The following LTBP3 variants were observed in gnomAD, a reference collection of about 807,000 sequenced individuals.
The protein encoded by LTBP3 is latent-transforming growth factor beta-binding protein 3.
LTBP3 carries 97 observed loss-of-function variants against 159.7 expected under a neutral mutation model. The observed-to-expected ratio is 0.61, with a 90% confidence interval of 0.52 to 0.72. The LOEUF (loss-of-function observed/expected upper bound fraction) is 0.72, where lower values mean the gene tolerates loss of function less well. Among genes scored for constraint, LTBP3 ranks in the 30% least tolerant of loss-of-function variants. The pLI is 0.00. For synonymous variants in LTBP3, 824 were observed against 777.1 expected (o/e 1.06, Z -1.00); for missense variants, 1,584 against 1,864.3 (o/e 0.85, Z 2.77).
intron 8 of LTBP3, 97 bp downstream of exon 8, chr11:65,551,875 G>A: frequency 7.3e-7 from 1 of 1,367,974 alleles, no homozygotes; most frequent in South Asian, 1.2e-5. Flanking sequence ...TAAGGAATTG[G>A]GGGTTAGACT....
intron 11 of LTBP3, 72 bp from the exon 12 acceptor site, chr11:65,548,117 CA>C (rs1440066793): frequency 1.9e-6 from 3 of 1,606,414 alleles, no homozygotes; most frequent in Non-Finnish European, 2.6e-6. Context: ...GGGCAGACCT[CA>C]ACACCCCAGT....
Position 65,541,085 on chromosome 11 carries a change from A to T in LTBP3, c.2893+41T>A, listed in dbSNP as rs748384969. Reference sequence around the variant, plus strand: ...TTTCCCACATTTGGCTTCCAGATGAAGAAACTGAAGATCTGGGAAGGGGCC... The same window carrying T: ...TTTCCCACATTTGGCTTCCAGATGATGAAACTGAAGATCTGGGAAGGGGCC... On this transcript the variant is annotated intron_variant, in intron 20 of 27. Transcript: ENST00000301873. 3.6e-5 allele frequency: 58 copies of T among 1,599,274 alleles called. No homozygotes were observed. In the Admixed American group the frequency reaches 7.8e-4, roughly 21 times the overall value.
At position 65,552,420 on chromosome 11, in the gene LTBP3, T is replaced by C; in HGVS notation, c.1187-14A>G. The C allele has an allele frequency of 1.2e-6, 2 of 1,611,416 alleles. No homozygotes were observed. The highest frequency in any genetic ancestry group is 2.2e-5 in the South Asian group (2 of 91,066). On this transcript the variant is annotated splice_polypyrimidine_tract_variant and intron_variant, in intron 6 of 27. Coordinates refer to ENST00000301873, the MANE Select transcript of LTBP3 (RefSeq NM_001130144.3). The surrounding 1 kb of genome is among the most constrained non-coding windows in gnomAD (Gnocchi z 6.0). ...CCGGTTTGTCTGCTGCAGGGGCCAG[T>C]GGGGGGCATGGGCATCTGAGCCTGC...
In LTBP3 at chr11:65,543,465, G is replaced by GA; in HGVS notation, c.2437dup (p.Ser813PhefsTer16). On this transcript the variant is annotated frameshift_variant, in exon 17 of 28. Transcript: ENST00000301873. LOFTEE classifies it high-confidence loss of function. ...CCGGTCCCTGGACAGATGGTAGCCA[G>GA]AGAGGCACTGACACTGGAAAGATCC... is the stretch of plus-strand genomic sequence containing the variant. 1 of 1,614,144 alleles carries GA rather than the reference G, an allele frequency of 6.2e-7. No homozygotes were observed. Among genetic ancestry groups the GA allele is most frequent in the Non-Finnish European group, 8.5e-7 (1 of 1,179,992 alleles).
chr11:65,544,550 G>A (rs1856286147), intron 16 of LTBP3: 1 of 152,496 alleles, frequency 6.6e-6, no homozygotes, highest in Admixed American at 6.5e-5. Flanking sequence ...ACAGGCTTCA[G>A]CCTCAGTCCA....
rs1169557307 is a variant in LTBP3 at position 65,546,847 on chromosome 11, G to A, written c.2181C>T (p.Cys727=). ...KCENKPGSFK[C]IACQPGYRSQ... is the part of the protein sequence containing the mutation. Reference sequence around the variant, plus strand: ...TGCGGTAGCCAGGCTGACAGGCGATGCACTTGAAGCTCCCGGGCTTGTTCT... The same window carrying A: ...TGCGGTAGCCAGGCTGACAGGCGATACACTTGAAGCTCCCGGGCTTGTTCT... Residue 727 remains cysteine, a synonymous_variant, in exon 15 of 28, where the codon TGC becomes TGT. Coordinates refer to ENST00000301873, the MANE Select transcript of LTBP3 (RefSeq NM_001130144.3). The surrounding 1 kb of genome is among the most constrained non-coding windows in gnomAD (Gnocchi z 4.0). 2 of 1,611,216 alleles carry A rather than the reference G, an allele frequency of 1.2e-6. No individual in the cohort carries two copies. The highest frequency in any genetic ancestry group is 2.2e-5 in the South Asian group (2 of 91,092).
At chr11:65,545,998 T>A (rs1164713738) in intron 16 of LTBP3, among the ~76,000 whole-genome samples, 1 of 152,192 alleles carries the variant, frequency 6.6e-6, no homozygotes, top group Admixed American at 6.5e-5. Context: ...TTCTTTAAGA[T>A]GACCCAGGCC....
chr11:65,546,257 C>T lies in LTBP3; in HGVS notation c.2353+185G>A, dbSNP rs994022484. On this transcript the variant is annotated intron_variant, in intron 16 of 27. Coordinates refer to ENST00000301873, the MANE Select transcript of LTBP3 (RefSeq NM_001130144.3). The surrounding 1 kb of genome is among the most constrained non-coding windows in gnomAD (Gnocchi z 4.0). ...CGCAGCTTCGAGCTCTACCCCGAGA[C>T]CCTTCCTACGTGGAAATTCTAGTGG... 7 of 723,474 alleles carry T rather than the reference C, an allele frequency of 9.7e-6. No homozygotes were observed. Among genetic ancestry groups the T allele is most frequent in the Non-Finnish European group, 1.5e-5 (7 of 460,102 alleles). 44.8% of individuals were successfully genotyped at this position (723,474 alleles called of 1,614,324 possible). A position where few individuals can be genotyped will look rare whatever the true frequency, so the allele number is the denominator to read the frequency against.
rs1157928757 is a variant in LTBP3 at position 65,539,811 on chromosome 11, C to T, written c.3456G>A (p.Leu1152=). The T allele has an allele frequency of 1.3e-6, 2 of 1,534,920 alleles. No homozygotes were observed. Among genetic ancestry groups the T allele is most frequent in the Non-Finnish European group, 1.7e-6 (2 of 1,147,638 alleles). Residue 1152 remains leucine (L), a synonymous_variant, in exon 25 of 28, where the codon CTG becomes CTA. Transcript: ENST00000301873. ...RGEDGMCAGP[L]AGPALTFDDC... ...CGTCGAAGGTGAGGGCAGGCCCGGC[C>T]AGGGGGCCAGCGCACATGCCGTCCT...
Position 65,540,870 on chromosome 11 carries a change from C to T in LTBP3, c.2977+1G>A. ...GGCGGGCGGAGCCGCAGGGCGCTTA[C>T]CACGGTGGGCTGGGATGCCGTAGTT... On this transcript the variant is annotated splice_donor_variant, in intron 21 of 27. Coordinates refer to ENST00000301873, the MANE Select transcript of LTBP3 (RefSeq NM_001130144.3). LOFTEE classifies it high-confidence loss of function. 6.2e-7 allele frequency: 1 copy of T among 1,611,022 alleles called. No homozygotes were observed.
chr11:65,542,661 C>T (rs568251471), intron 18 of LTBP3: 1 of 286,942 alleles, frequency 3.5e-6, no homozygotes, highest in Non-Finnish European at 6.8e-6. Flanking sequence ...GCTGGGATTA[C>T]AGGCATGAGC....
chr11:65,547,393 A>C lies in LTBP3; in HGVS notation c.2107+46T>G, dbSNP rs370826951. 6.2e-7 allele frequency: 1 copy of C among 1,602,852 alleles called. No homozygotes were observed. Among genetic ancestry groups the C allele is most frequent in the Non-Finnish European group, 8.5e-7 (1 of 1,177,714 alleles). On this transcript the variant is annotated intron_variant, in intron 14 of 27. Coordinates refer to ENST00000301873, the MANE Select transcript of LTBP3 (RefSeq NM_001130144.3). The surrounding 1 kb of genome is among the most constrained non-coding windows in gnomAD (Gnocchi z 4.6). ...CACCCCAGCCCCACCCCAGGTGGAG[A>C]GACAGCTAAGGAGCTCCTTCTTTGG...
rs775770072 is a variant in LTBP3 at position 65,541,732 on chromosome 11, C to G, written c.2597-4G>C. 6.2e-7 allele frequency: 1 copy of G among 1,613,882 alleles called. No individual in the cohort carries two copies. The highest frequency in any genetic ancestry group is 1.1e-5 in the South Asian group (1 of 91,070). On this transcript the variant is annotated splice_region_variant and splice_polypyrimidine_tract_variant and intron_variant, in intron 18 of 27. Transcript: ENST00000301873. ...TCCTGGCTGCACTCATCTATGTCTG[C>G]GGGGCAAGAGTAGCGCAGCTGGAAA... is the stretch of plus-strand genomic sequence containing the variant.
At chr11:65,540,828 G>A in intron 21 of LTBP3, 43 bp downstream of exon 21, 2 of 1,576,730 alleles carry the variant, frequency 1.3e-6, no homozygotes, top group Non-Finnish European at 1.7e-6. Flanking sequence ...AGCCCAACCC[G>A]GGGTGAGAGG....
At position 65,543,409 on chromosome 11, in the gene LTBP3, A is replaced by G. The variant is rs750368321; in HGVS notation, c.2476+18T>C. On this transcript the variant is annotated intron_variant, in intron 17 of 27. Transcript: ENST00000301873. Reference sequence around the variant, plus strand: ...GTAGGGAGGGACAGGTCAGCACCCCAGCTCTAAGATCCCTCACCCTCGCAG... The same window carrying G: ...GTAGGGAGGGACAGGTCAGCACCCCGGCTCTAAGATCCCTCACCCTCGCAG... 3.7e-6 allele frequency: 6 copies of G among 1,613,674 alleles called. No individual in the cohort carries two copies. The Admixed American group carries it at 1.0e-4, about 27-fold the overall frequency.
chr11:65,539,638 G>T lies in LTBP3; in HGVS notation c.3548-10C>A. The stretch of plus-strand genomic sequence containing the variant: ...GTCGGGCAATGGGACCCTGGGAGGA[G>T]CAGAACTGGTCAGCGACGTCCGGGT... On this transcript the variant is annotated splice_polypyrimidine_tract_variant and intron_variant, in intron 25 of 27. Coordinates refer to ENST00000301873, the MANE Select transcript of LTBP3 (RefSeq NM_001130144.3). 1 of 1,607,970 alleles carries T rather than the reference G, an allele frequency of 6.2e-7. No homozygotes were observed. Among genetic ancestry groups the T allele is most frequent in the Non-Finnish European group, 8.5e-7 (1 of 1,178,256 alleles).
intron 18 of LTBP3, chr11:65,542,000 G>A (rs572578334): frequency 3.9e-5 from 17 of 435,648 alleles, no homozygotes; most frequent in Non-Finnish European, 6.5e-5. Flanking sequence ...TTGAGCTTCC[G>A]ATACCTTTAG....
Position 65,540,381 on chromosome 11 carries a change from G to A in LTBP3, c.3108C>T (p.Asp1036=), listed in dbSNP as rs79320058. ...TGGACTCGTCCAGGCACTCGTCCAC[G>A]TCTGCAGGGAGGAAAAGCGTGGGTA... The part of the protein sequence containing the change: ...YYDGNLLECV[D]VDECLDESNC... Residue 1036 remains aspartate (D), a splice_region_variant and synonymous_variant, in exon 23 of 28, where the codon GAC becomes GAT. Transcript: ENST00000301873. 6.2e-3 allele frequency: 9,877 copies of A among 1,600,566 alleles called. 442 individuals carry two copies. The East Asian group carries it at 0.12, about 20-fold the overall frequency.
rs375834889 is a variant in LTBP3, at chr11:65,557,799, C to T, written c.161G>A (p.Gly54Asp). ...GPAGERGAGG[G>D]GALARERFKV... ...GAAGCGCTCGCGGGCCAGCGCCCCG[C>T]CCCCGCCTGCGCCCCGCTCGCCGGC... is the stretch of plus-strand genomic sequence containing the variant. The change falls in exon 1 of 28, where the codon GGC becomes GAC. Residue 54 changes from glycine to aspartate, a missense_variant. By Grantham distance (94) the Gly-to-Asp change is moderately conservative (BLOSUM62 -1). Coordinates refer to ENST00000301873, the MANE Select transcript of LTBP3 (RefSeq NM_001130144.3). 128 of 1,561,512 alleles carry T rather than the reference C, an allele frequency of 8.2e-5. No homozygotes were observed. The highest frequency in any genetic ancestry group is 1.5e-4 in the Admixed American group (8 of 54,986).
Sources: allele counts gnomAD v4.1 joint callset (sites outside exome capture counted in the v4.1 genomes callset), GRCh38; gene constraint gnomAD v4.1.1; non-coding constraint Gnocchi (gnomAD v3.1); transcripts MANE v1.5; gene names NCBI Gene and HGNC (gene_info 2026-07-23, HGNC 2026-07-21).